Variants in DPP10 observed in about 807,000 individuals in gnomAD.
The protein encoded by DPP10 is dipeptidyl peptidase like 10, also known as inactive dipeptidyl peptidase 10.
Under a neutral mutation model 120.9 loss-of-function variants are expected in DPP10, and 33 were observed. That is an observed-to-expected ratio of 0.27 (90% CI 0.21 to 0.37). The LOEUF (loss-of-function observed/expected upper bound fraction) is 0.37, where lower values mean the gene tolerates loss of function less well. Ranked by LOEUF, DPP10 falls within the 10% of genes least tolerant of loss-of-function variation. The pLI is 1.00. For synonymous variants in DPP10, 337 were observed against 326.1 expected, an observed-to-expected ratio of 1.03 and a Z score of -0.36; for missense variants, 816 against 942.8, an observed-to-expected ratio of 0.87 and a Z score of 1.76.
intron 1 of DPP10, among the ~76,000 whole-genome samples, chr2:114,770,961 T>C (rs749050090): frequency 3.9e-5 from 6 of 152,194 alleles, no homozygotes; most frequent in Non-Finnish European, 7.4e-5. Context: ...ACTGCAATGG[T>C]GGAAAAGGTT....
intron 19 of DPP10, among the ~76,000 whole-genome samples, chr2:115,797,275 T>C (rs1380964021): frequency 1.3e-5 from 2 of 152,058 alleles, no homozygotes; most frequent in African/African-American, 2.4e-5. Context: ...GGGAAGTCTT[T>C]TCTACTCTGT....
intron 3 of DPP10, among the ~76,000 whole-genome samples, chr2:115,425,650 C>A (rs1040432888): frequency 2.0e-5 from 3 of 152,126 alleles, no homozygotes; most frequent in Non-Finnish European, 4.4e-5. Context: ...AACCATTTTT[C>A]ATTTCCCTTT....
At chr2:115,544,646 T>C (rs1410850362) in intron 5 of DPP10, among the ~76,000 whole-genome samples, 3 of 152,074 alleles carry the variant, frequency 2.0e-5, no homozygotes, top group Admixed American at 2.0e-4. Context: ...TAAGTCTGGC[T>C]TATTTTAAGG....
intron 3 of DPP10, among the ~76,000 whole-genome samples, chr2:115,438,505 A>G (rs1157427826): frequency 6.6e-6 from 1 of 152,196 alleles, no homozygotes; most frequent in African/African-American, 2.4e-5. Context: ...ATGTTTATTG[A>G]TGGATGAATA....
intron 1 of DPP10, among the ~76,000 whole-genome samples, chr2:114,727,117 G>A (rs1574052890): frequency 1.3e-5 from 2 of 152,116 alleles, no homozygotes; most frequent in East Asian, 3.9e-4. Context: ...ACTCCTGATA[G>A]CAACAGCGTG....
At chr2:115,840,857 G>A (rs756424304) in intron 25 of DPP10, 34 bp downstream of exon 25, 6 of 1,580,226 alleles carry the variant, frequency 3.8e-6, no homozygotes, top group Non-Finnish European at 5.2e-6. Flanking sequence ...GTGTTTTCCT[G>A]CTGTGTTTTT....
At chr2:115,413,405 G>A (rs188841852) in intron 3 of DPP10, among the ~76,000 whole-genome samples, 37 of 152,180 alleles carry the variant, frequency 2.4e-4, no homozygotes, top group Non-Finnish European at 2.9e-5. Flanking sequence ...AATCAAAGTC[G>A]GAAAATAGTG....
At chr2:115,614,095 A>C (rs1404247421) in intron 5 of DPP10, among the ~76,000 whole-genome samples, 2 of 152,200 alleles carry the variant, frequency 1.3e-5, no homozygotes, top group African/African-American at 4.8e-5. Flanking sequence ...CAGGGCATGC[A>C]CTGAAATGGT....
At chr2:114,691,571 T>A (rs1699750592) in intron 1 of DPP10, among the ~76,000 whole-genome samples, 1 of 152,162 alleles carries the variant, frequency 6.6e-6, no homozygotes. Context: ...CGGATGATGC[T>A]GACCTCATAG....
chr2:115,356,556 G>A (rs1236087791), intron 3 of DPP10, among the ~76,000 whole-genome samples: 1 of 151,964 alleles, frequency 6.6e-6, no homozygotes, highest in Non-Finnish European at 1.5e-5. Context: ...TCTTTCTCTT[G>A]CCTGATTGCC....
intron 1 of DPP10, among the ~76,000 whole-genome samples, chr2:115,132,123 A>G (rs1247323990): frequency 6.6e-6 from 1 of 152,032 alleles, no homozygotes; most frequent in Non-Finnish European, 1.5e-5. Context: ...CTGATTTGGA[A>G]TTTGTTGTAA....
At chr2:115,757,783 A>ATTG in intron 11 of DPP10, among the ~76,000 whole-genome samples, 1 of 107,566 alleles carries the variant, frequency 9.3e-6, no homozygotes, top group Admixed American at 1.0e-4. Context: ...TCAATATAAT[A>ATTG]TATTAAGAAA....
At chr2:115,706,615 C>T (rs2092119504) in intron 7 of DPP10, among the ~76,000 whole-genome samples, 2 of 151,948 alleles carry the variant, frequency 1.3e-5, no homozygotes, top group South Asian at 4.1e-4. Context: ...TAAGCGCTTA[C>T]ACCATACCTA....
chr2:114,607,495 G>A (rs555577288), intron 1 of DPP10, among the ~76,000 whole-genome samples: 1 of 152,298 alleles, frequency 6.6e-6, no homozygotes, highest in East Asian at 1.9e-4. Flanking sequence ...ACAAGAAACT[G>A]TAGCTGATTC....
intron 1 of DPP10, among the ~76,000 whole-genome samples, chr2:115,190,417 C>G (rs577427203): frequency 1.3e-5 from 2 of 152,158 alleles, no homozygotes; most frequent in East Asian, 3.9e-4. Flanking sequence ...AAGTGCTGCT[C>G]TAATTACTCG....
At chr2:114,511,979 G>C (rs1317572910) in intron 1 of DPP10, among the ~76,000 whole-genome samples, 2 of 152,128 alleles carry the variant, frequency 1.3e-5, no homozygotes, top group African/African-American at 4.8e-5. Context: ...TACCTTTAAA[G>C]GCAACTATCA....
At chr2:114,524,842 G>C (rs894568244) in intron 1 of DPP10, among the ~76,000 whole-genome samples, 2 of 152,144 alleles carry the variant, frequency 1.3e-5, no homozygotes, top group Admixed American at 6.5e-5. Flanking sequence ...AGTTTGCCCA[G>C]TTCTTGAACT....
intron 1 of DPP10, among the ~76,000 whole-genome samples, chr2:115,175,127 C>T (rs2053606446): frequency 6.6e-6 from 1 of 152,134 alleles, no homozygotes; most frequent in Non-Finnish European, 1.5e-5. Context: ...GATTAACTAC[C>T]AACATGGTGT....
At chr2:115,809,142 A>G (rs544675655) in intron 19 of DPP10, among the ~76,000 whole-genome samples, 12 of 152,332 alleles carry the variant, frequency 7.9e-5, no homozygotes, top group Admixed American at 4.6e-4. Flanking sequence ...GTGTATGAGA[A>G]AATTCATTCA....
Sources: gnomAD v4.1 joint callset for allele counts (sites outside exome capture counted in the v4.1 genomes callset) on GRCh38, gnomAD v4.1.1 for gene constraint, MANE v1.5 for transcripts, NCBI Gene and HGNC (gene_info 2026-07-23, HGNC 2026-07-21) for gene names.